IGF2R: variants seen among roughly 807,000 people sequenced by gnomAD.
IGF2R encodes the protein cation-independent mannose-6-phosphate receptor.
IGF2R carries 91 observed loss-of-function variants against 270.6 expected under a neutral mutation model. That is an observed-to-expected ratio of 0.34 (90% CI 0.28 to 0.40). The LOEUF (loss-of-function observed/expected upper bound fraction) is 0.40, where lower values mean the gene tolerates loss of function less well. IGF2R is among the 10% of genes least tolerant of loss of function. IGF2R has a pLI of 1.00. For synonymous variants in IGF2R, 1,316 were observed against 1,258.9 expected (o/e 1.05, Z -0.96); for missense variants, 2,805 against 3,188.3 (o/e 0.88, Z 2.90).
chr6:160,068,100 G>A, intron 29 of IGF2R, 149 bp from the exon 30 acceptor site: 2 of 667,382 alleles, frequency 3.0e-6, no homozygotes, highest in Non-Finnish European at 2.6e-6. Flanking sequence ...GTGTGTGTGT[G>A]TGTGTGTGAC....
In IGF2R at chr6:160,090,044, A is replaced by T. The variant is rs971661080; in HGVS notation, c.6596A>T (p.Asn2199Ile). The T allele has an allele frequency of 6.3e-7, 1 of 1,599,368 alleles. No homozygotes were observed. The highest frequency in any genetic ancestry group is 1.3e-5 in the African/African-American group (1 of 74,514). Reference sequence around the variant, plus strand: ...GCCAACATATGCCAGGTGAAGCCCAACGATCAGCACTTCAGTCGGAAAGTT... The same window carrying T: ...GCCAACATATGCCAGGTGAAGCCCATCGATCAGCACTTCAGTCGGAAAGTT... ...SGANICQVKP[N>I]DQHFSRKVGT... Residue 2199 changes from asparagine to isoleucine, a missense_variant, in exon 44 of 48, where the codon AAC (asparagine) becomes ATC (isoleucine). By Grantham distance (149) the Asn-to-Ile change is moderately radical. This residue lies in a region of IGF2R where 1,851 missense variants were observed against 2,207.2 expected (regional missense o/e 0.84). Coordinates refer to ENST00000356956, the MANE Select transcript of IGF2R (RefSeq NM_000876.4).
chr6:160,058,092 T>C lies in IGF2R; in HGVS notation c.2866T>C (p.Tyr956His). 1 of 1,613,136 alleles carries C rather than the reference T, an allele frequency of 6.2e-7. No homozygotes were observed. Among genetic ancestry groups the C allele is most frequent in the Middle Eastern group, 1.7e-4 (1 of 6,060 alleles). ...TAATCCGCTAAACAGTTCGCAAGGA[T>C]ATAACGTCTCTGGCATTGGGAAGAT... is the stretch of plus-strand genomic sequence containing the variant. ...NLNPLNSSQG[Y>H]NVSGIGKIFM... Residue 956 changes from tyrosine (Y) to histidine (H), a missense_variant, in exon 21 of 48, where the codon TAT becomes CAT. Physicochemically the swap from Tyr to His is moderately conservative, Grantham distance 83. Transcript: ENST00000356956.
chr6:160,092,345 T>G (rs1429271573), intron 44 of IGF2R, among the ~76,000 whole-genome samples: 1 of 152,254 alleles, frequency 6.6e-6, no homozygotes, highest in African/African-American at 2.4e-5. Context: ...TGCAGGAGTC[T>G]TCACGCTCCA....
At chr6:160,009,215 C>T (rs962564218) in intron 3 of IGF2R, 81 bp downstream of exon 3, 11 of 1,229,706 alleles carry the variant, frequency 8.9e-6, no homozygotes, top group Non-Finnish European at 1.0e-5. Flanking sequence ...AGAGGTATTC[C>T]AGGAAGAATC....
intron 1 of IGF2R, among the ~76,000 whole-genome samples, chr6:159,976,210 C>G (rs1329668121): frequency 6.6e-6 from 1 of 151,954 alleles, no homozygotes; most frequent in Non-Finnish European, 1.5e-5. Context: ...GTTTATTTTT[C>G]TATTCAGATT....
intron 10 of IGF2R, among the ~76,000 whole-genome samples, chr6:160,036,299 C>T (rs1004915806): frequency 1.1e-4 from 17 of 152,280 alleles, no homozygotes; most frequent in Admixed American, 4.6e-4. Flanking sequence ...AGCCTACCTA[C>T]GCTACTAGCC....
chr6:160,055,235 A>G (rs384167), intron 19 of IGF2R, among the ~76,000 whole-genome samples: 132,012 of 152,184 alleles, frequency 0.87, 57,591 homozygotes, highest in African/African-American at 0.96. Context: ...TTTTGGGCAC[A>G]TCTGTGCATT....
At chr6:160,073,065 T>C (rs1778779176) in intron 33 of IGF2R, 148 bp from the exon 34 acceptor site, 1 of 1,352,330 alleles carries the variant, frequency 7.4e-7, no homozygotes, top group Non-Finnish European at 1.0e-6. Flanking sequence ...GAACATTCAA[T>C]GTAAAACAAT....
intron 7 of IGF2R, 124 bp downstream of exon 7, chr6:160,029,779 C>T (rs1777654111): frequency 4.6e-6 from 3 of 657,114 alleles, no homozygotes; most frequent in South Asian, 1.7e-5. Context: ...ATGACAGAGG[C>T]ACTGGTGGGT....
At chr6:159,980,210 A>AG (rs1554234616) in intron 1 of IGF2R, among the ~76,000 whole-genome samples, 1 of 95,066 alleles carries the variant, frequency 1.1e-5, no homozygotes, top group African/African-American at 4.5e-5. Context: ...AAAGAAAGAA[A>AG]GAAAGAAAGA....
intron 2 of IGF2R, among the ~76,000 whole-genome samples, chr6:160,008,030 C>T (rs1193355839): frequency 6.6e-6 from 1 of 152,056 alleles, no homozygotes; most frequent in Non-Finnish European, 1.5e-5. Flanking sequence ...TCTTTGGCCA[C>T]CTAAAATACA....
chr6:160,072,144 G>C, intron 32 of IGF2R, 108 bp downstream of exon 32: 1 of 1,413,934 alleles, frequency 7.1e-7, no homozygotes, highest in Admixed American at 1.8e-5. Flanking sequence ...GGCAGCAGGC[G>C]CCCTGGGCAG....
chr6:160,034,164 C>G (rs577386571), intron 9 of IGF2R, among the ~76,000 whole-genome samples: 1 of 152,336 alleles, frequency 6.6e-6, no homozygotes, highest in Non-Finnish European at 1.5e-5. Flanking sequence ...CAAGAGAAGT[C>G]TTCATGCTCA....
Position 159,969,262 on chromosome 6 carries a change from G to C in IGF2R, c.16G>C (p.Gly6Arg). Residue 6 changes from glycine to arginine, a missense_variant, in exon 1 of 48, where the codon GGC (glycine) becomes CGC (arginine). Gly to Arg is a moderately radical substitution (Grantham distance 125). Coordinates refer to ENST00000356956, the MANE Select transcript of IGF2R (RefSeq NM_000876.4). The stretch of plus-strand genomic sequence containing the variant: ...GCCCGGCGCGATGGGGGCCGCCGCC[G>C]GCCGGAGCCCCCACCTGGGGCCCGC... MGAAA[G>R]RSPHLGPAPA... is the part of the protein sequence containing the mutation. 2.7e-6 allele frequency: 3 copies of C among 1,093,512 alleles called. No homozygotes were observed. The highest frequency in any genetic ancestry group is 3.3e-6 in the Non-Finnish European group (3 of 902,718). The allele number at this position is 1,093,512 out of a possible 1,614,324, so 67.7% of individuals were successfully genotyped here.
At chr6:160,066,108 G>A (rs1179001061) in intron 29 of IGF2R, among the ~76,000 whole-genome samples, 2 of 150,210 alleles carry the variant, frequency 1.3e-5, no homozygotes, top group African/African-American at 2.5e-5. Flanking sequence ...TCCGCCTCCC[G>A]GGTTCAAGTG....
intron 29 of IGF2R, among the ~76,000 whole-genome samples, chr6:160,065,774 A>ATGTGTGTGTGTG (rs1491127323): frequency 1.6e-5 from 2 of 126,410 alleles, no homozygotes; most frequent in African/African-American, 6.3e-5. Context: ...TTTCCTAGAG[A>ATGTGTGTGTGTG]TATGTGTATG....
chr6:159,969,461 C>G, intron 1 of IGF2R, 66 bp downstream of exon 1: 1 of 1,112,130 alleles, frequency 9.0e-7, no homozygotes, highest in Non-Finnish European at 1.1e-6. Context: ...GCGTGGGGGG[C>G]GGGGAGCGCT....
At chr6:160,098,370 A>T (rs942005179) in intron 45 of IGF2R, among the ~76,000 whole-genome samples, 7 of 152,168 alleles carry the variant, frequency 4.6e-5, no homozygotes, top group African/African-American at 1.7e-4. Flanking sequence ...CTGACAAGGT[A>T]ATAAGGACTT....
At chr6:160,060,456 T>TGGCA (rs1778411111) in intron 22 of IGF2R, 91 bp from the exon 23 acceptor site, 4 of 1,276,792 alleles carry the variant, frequency 3.1e-6, no homozygotes, top group Non-Finnish European at 4.5e-6. Flanking sequence ...TTGTTGCCAG[T>TGGCA]GGCAGCCTTG....
Sources: gnomAD v4.1 joint callset for allele counts (sites outside exome capture counted in the v4.1 genomes callset) on GRCh38, gnomAD v4.1.1 for gene constraint, gnomAD v4.1.1 regional missense constraint, MANE v1.5 for transcripts, NCBI Gene and HGNC (gene_info 2026-07-23, HGNC 2026-07-21) for gene names.